PDE1C: variants seen among roughly 807,000 people sequenced by gnomAD.
PDE1C encodes dual specificity calcium/calmodulin-dependent 3',5'-cyclic nucleotide phosphodiesterase 1C.
Under a neutral mutation model 93.1 loss-of-function variants are expected in PDE1C, and 62 were observed. The ratio of observed to expected loss-of-function variants is 0.67; its 90% CI spans 0.54 to 0.82. The LOEUF (loss-of-function observed/expected upper bound fraction) is 0.82. PDE1C is among the 40% of genes least tolerant of loss of function. PDE1C has a pLI of 0.00. For synonymous variants in PDE1C, 325 were observed against 310.1 expected, an observed-to-expected ratio of 1.05 and a Z score of -0.50; for missense variants, 742 against 884.6, an observed-to-expected ratio of 0.84 and a Z score of 2.04.
intron 2 of PDE1C, among the ~76,000 whole-genome samples, chr7:31,993,136 G>A (rs146381921): frequency 6.6e-6 from 1 of 152,178 alleles, no homozygotes; most frequent in East Asian, 1.9e-4. Context: ...GATTTAAGTG[G>A]TTTCACACTA....
At chr7:31,947,559 C>T (rs7809434) in intron 2 of PDE1C, among the ~76,000 whole-genome samples, 21,273 of 152,134 alleles carry the variant, frequency 0.14, 3,128 homozygotes, top group African/African-American at 0.38. Context: ...CAGGCCTTCC[C>T]TATAGGAGCA....
chr7:31,814,390 G>C (rs1269375307), intron 15 of PDE1C, among the ~76,000 whole-genome samples: 1 of 152,002 alleles, frequency 6.6e-6, no homozygotes, highest in Non-Finnish European at 1.5e-5. Flanking sequence ...GGCAGGACGA[G>C]TCGGGACAAT....
At chr7:31,659,221 G>A in the PDE1C span, among the ~76,000 whole-genome samples, 1 of 152,080 alleles carries the variant, frequency 6.6e-6, no homozygotes, top group Non-Finnish European at 1.5e-5. Context: ...GACATGGATA[G>A]GCATTTGTCA....
intron 4 of PDE1C, among the ~76,000 whole-genome samples, chr7:31,878,581 T>C (rs747640718): frequency 6.6e-6 from 1 of 152,126 alleles, no homozygotes; most frequent in Admixed American, 6.5e-5. Context: ...AAGAGTAAAA[T>C]AGCTAATAAA....
chr7:31,880,726 C>G (rs1307457926), intron 3 of PDE1C, 21 bp downstream of exon 3: 1 of 1,430,902 alleles, frequency 7.0e-7, no homozygotes, highest in African/African-American at 1.4e-5. Flanking sequence ...ATACTAATCT[C>G]TTTTGTTATT....
chr7:31,787,589 G>A (rs1042794786), intron 16 of PDE1C: 1 of 152,074 alleles, frequency 6.6e-6, no homozygotes, highest in South Asian at 2.1e-4. Context: ...AGAGCGCATG[G>A]TTTCGTCTGT....
chr7:31,874,900 A>T (rs1019815233), intron 5 of PDE1C, among the ~76,000 whole-genome samples: 11 of 152,224 alleles, frequency 7.2e-5, no homozygotes, highest in Non-Finnish European at 1.3e-4. Flanking sequence ...CCTCAGAGAG[A>T]TTAATTGAAA....
chr7:32,160,099 G>T (rs1277281955), intron 3 of PDE1C, among the ~76,000 whole-genome samples: 1 of 152,126 alleles, frequency 6.6e-6, no homozygotes, highest in Admixed American at 6.5e-5. Flanking sequence ...AAGGGGCTGG[G>T]AGGGAAATAA....
intron 3 of PDE1C, among the ~76,000 whole-genome samples, chr7:32,140,230 T>C (rs2128779779): frequency 6.6e-6 from 1 of 152,268 alleles, no homozygotes; most frequent in Non-Finnish European, 1.5e-5. Context: ...AGGTGAGAAA[T>C]CTGAGGCTCA....
chr7:32,060,549 G>GA (rs1172717856), intron 1 of PDE1C, among the ~76,000 whole-genome samples: 10 of 151,990 alleles, frequency 6.6e-5, no homozygotes, highest in Admixed American at 2.6e-4. Flanking sequence ...AAAATACAGG[G>GA]AAAAAAAGCG....
At chr7:32,159,797 T>G (rs946272052) in intron 3 of PDE1C, among the ~76,000 whole-genome samples, 4 of 152,152 alleles carry the variant, frequency 2.6e-5, no homozygotes, top group African/African-American at 9.7e-5. Flanking sequence ...CCGGAAGCTC[T>G]ACACCAAAGT....
chr7:32,180,643 T>C (rs1562553982), intron 2 of PDE1C, among the ~76,000 whole-genome samples: 1 of 152,234 alleles, frequency 6.6e-6, no homozygotes, highest in African/African-American at 2.4e-5. Context: ...TCCAGAACTG[T>C]GAGAAATAAA....
rs536598927 is a variant in PDE1C, at chr7:32,135,974, C to A, written c.308+33811G>T. Among the ~76,000 whole-genome samples, 559 of 152,260 alleles carry A rather than the reference C, an allele frequency of 3.7e-3. 4 individuals are homozygous for A. The highest frequency in any genetic ancestry group is 0.013 in the African/African-American group (539 of 41,548). On this transcript the variant is annotated intron_variant, in intron 3 of 18. Transcript: ENST00000396193. ...GCAAAGACATGATAGCATGCAGTAA[C>A]ATGGATGAACCTGGAAGACTATGCT...
chr7:32,166,204 T>C (rs1238076738), intron 3 of PDE1C, among the ~76,000 whole-genome samples: 3 of 151,932 alleles, frequency 2.0e-5, no homozygotes, highest in Admixed American at 6.6e-5. Context: ...GGGAGTTGGG[T>C]GGTGGGGGAG....
At chr7:32,045,179 T>C (rs964491861) in intron 2 of PDE1C, among the ~76,000 whole-genome samples, 2 of 151,320 alleles carry the variant, frequency 1.3e-5, no homozygotes, top group South Asian at 4.2e-4. Context: ...CAAAACTATA[T>C]AGACTCTCCA....
At chr7:32,006,291 C>T (rs2128573302) in intron 2 of PDE1C, among the ~76,000 whole-genome samples, 1 of 152,210 alleles carries the variant, frequency 6.6e-6, no homozygotes. Context: ...AGGAACAATG[C>T]TCTCCAAAAG....
At chr7:31,959,330 C>T (rs1286511351) in intron 2 of PDE1C, among the ~76,000 whole-genome samples, 1 of 152,032 alleles carries the variant, frequency 6.6e-6, no homozygotes, top group Non-Finnish European at 1.5e-5. Context: ...CCTGCCTCAG[C>T]CCCCACCAAG....
At chr7:32,298,521 G>A (rs2128901229) in intron 1 of PDE1C, 3 of 1,143,108 alleles carry the variant, frequency 2.6e-6, no homozygotes, top group South Asian at 1.5e-5. Flanking sequence ...GGGGGCTCCC[G>A]CCCGGAGAGC....
At chr7:32,164,528 A>C (rs925475776) in intron 3 of PDE1C, among the ~76,000 whole-genome samples, 6 of 152,180 alleles carry the variant, frequency 3.9e-5, no homozygotes, top group African/African-American at 1.2e-4. Context: ...GACTTGGTTG[A>C]AATCTCCAGC....
Sources: allele counts gnomAD v4.1 joint callset (sites outside exome capture counted in the v4.1 genomes callset), GRCh38; gene constraint gnomAD v4.1.1; transcripts MANE v1.5; gene names NCBI Gene and HGNC (gene_info 2026-07-23, HGNC 2026-07-21).